The following GNAQ variants were observed in gnomAD, a reference collection of about 807,000 sequenced individuals.
GNAQ encodes the protein guanine nucleotide-binding protein G(q) subunit alpha.
A neutral mutation model predicts 43.9 loss-of-function variants in GNAQ; 8 were observed. That is an observed-to-expected ratio of 0.18 (90% CI 0.11 to 0.33). The LOEUF is 0.33. Among genes scored for constraint, GNAQ ranks in the 10% least tolerant of loss-of-function variants. The probability of loss-of-function intolerance (pLI) is 1.00; values close to 1 mark genes in which losing one functional copy is unlikely to be tolerated. For synonymous variants in GNAQ, 155 were observed against 170.7 expected (o/e 0.91, Z 0.71); for missense variants, 158 against 450.8 (o/e 0.35, Z 5.88).
intron 1 of GNAQ, among the ~76,000 whole-genome samples, chr9:77,972,092 T>C (rs1264747700): frequency 6.6e-6 from 1 of 152,096 alleles, no homozygotes; most frequent in African/African-American, 2.4e-5. Context: ...AATCGTGTCA[T>C]CTGCAACAGG....
intron 2 of GNAQ, among the ~76,000 whole-genome samples, chr9:77,826,151 A>C (rs1356515466): frequency 6.6e-6 from 1 of 152,318 alleles, no homozygotes; most frequent in Non-Finnish European, 1.5e-5. Flanking sequence ...GAGAGAGTAC[A>C]TATATTTTTA....
chr9:77,994,859 A>G (rs1823549335), intron 1 of GNAQ, among the ~76,000 whole-genome samples: 1 of 152,222 alleles, frequency 6.6e-6, no homozygotes, highest in Non-Finnish European at 1.5e-5. Flanking sequence ...AATATGGGCC[A>G]TATATGACTA....
Position 77,719,409 on chromosome 9 carries a change from A to AAATT in GNAQ, c.*1910_*1913dup, listed in dbSNP as rs1825275446. On this transcript the variant is annotated 3_prime_UTR_variant, in exon 7 of 7. Transcript: ENST00000286548. ...TATACCTACAGGCAGTCTGTTTGTT[A>AAATT]AATTACAGGTACTTTCTGAGCAAGG... 1 of 232,582 alleles carries AAATT rather than the reference A, an allele frequency of 4.3e-6. No individual in the cohort carries two copies. The highest frequency in any genetic ancestry group is 2.2e-5 in the African/African-American group (1 of 45,300). 14.4% of individuals were successfully genotyped at this position (232,582 alleles called of 1,614,324 possible).
intron 2 of GNAQ, among the ~76,000 whole-genome samples, chr9:77,843,243 A>C (rs905329776): frequency 1.1e-4 from 16 of 152,152 alleles, no homozygotes; most frequent in African/African-American, 3.6e-4. Flanking sequence ...ACCTTGAGCC[A>C]TGCGGATATC....
intron 5 of GNAQ, among the ~76,000 whole-genome samples, chr9:77,760,067 T>TG (rs1453258621): frequency 1.1e-5 from 1 of 92,908 alleles, no homozygotes; most frequent in African/African-American, 2.8e-5. Flanking sequence ...GGCCTTTTTC[T>TG]AATTTTTTTT....
chr9:77,984,036 G>A (rs376148622), intron 1 of GNAQ, among the ~76,000 whole-genome samples: 1 of 86,614 alleles, frequency 1.2e-5, no homozygotes, highest in African/African-American at 4.8e-5. Flanking sequence ...TATGCAAGTA[G>A]AATTTTGGAG....
At chr9:77,827,233 T>C (rs1827211945) in intron 2 of GNAQ, among the ~76,000 whole-genome samples, 1 of 151,762 alleles carries the variant, frequency 6.6e-6, no homozygotes, top group Non-Finnish European at 1.5e-5. Flanking sequence ...TTGTCTAAGA[T>C]ATGGAAATAC....
intron 3 of GNAQ, among the ~76,000 whole-genome samples, chr9:77,805,446 C>T (rs1826813618): frequency 1.3e-5 from 2 of 151,946 alleles, no homozygotes; most frequent in Non-Finnish European, 2.9e-5. Context: ...GCTCTGTCGC[C>T]CAGGCTGGAG....
intron 2 of GNAQ, among the ~76,000 whole-genome samples, chr9:77,817,797 T>C (rs1014931218): frequency 6.6e-6 from 1 of 152,036 alleles, no homozygotes; most frequent in Non-Finnish European, 1.5e-5. Context: ...CGATGCTGCA[T>C]GGGGATGGTG....
chr9:77,742,894 G>A (rs576787911), intron 5 of GNAQ, among the ~76,000 whole-genome samples: 26 of 152,234 alleles, frequency 1.7e-4, no homozygotes, highest in Admixed American at 1.5e-3. Context: ...AAAAATGCTG[G>A]GTAAAAGATG....
intron 1 of GNAQ, among the ~76,000 whole-genome samples, chr9:78,026,500 A>C (rs374445016): frequency 1.8e-4 from 27 of 152,358 alleles, no homozygotes; most frequent in African/African-American, 6.3e-4. Context: ...AGAGTAGCAA[A>C]AAATAAAACC....
At chr9:77,832,670 T>C (rs1201232087) in intron 2 of GNAQ, among the ~76,000 whole-genome samples, 3 of 152,244 alleles carry the variant, frequency 2.0e-5, no homozygotes, top group Non-Finnish European at 2.9e-5. Flanking sequence ...CCAGTGTATA[T>C]ACCAGGGATC....
intron 3 of GNAQ, among the ~76,000 whole-genome samples, chr9:77,805,481 T>A (rs1378751786): frequency 6.6e-6 from 1 of 152,078 alleles, no homozygotes; most frequent in East Asian, 1.9e-4. Context: ...CTTGGCTCAC[T>A]GCAACCTCTG....
At chr9:77,856,447 T>C (rs1373081288) in intron 2 of GNAQ, among the ~76,000 whole-genome samples, 1 of 152,198 alleles carries the variant, frequency 6.6e-6, no homozygotes, top group Non-Finnish European at 1.5e-5. Context: ...ATGGATTAAC[T>C]CAACTTTTTA....
intron 2 of GNAQ, among the ~76,000 whole-genome samples, chr9:77,859,670 G>A (rs1035802977): frequency 6.6e-6 from 1 of 152,164 alleles, no homozygotes; most frequent in Admixed American, 6.5e-5. Flanking sequence ...CTCCATTCAG[G>A]ATGTTCATTT....
chr9:77,791,543 C>T (rs1048840570), intron 5 of GNAQ, among the ~76,000 whole-genome samples: 1 of 152,022 alleles, frequency 6.6e-6, no homozygotes, highest in Non-Finnish European at 1.5e-5. Context: ...GGTATTCTAG[C>T]CACTATTTGA....
At chr9:78,001,389 C>A (rs1193442544) in intron 1 of GNAQ, among the ~76,000 whole-genome samples, 1 of 151,504 alleles carries the variant, frequency 6.6e-6, no homozygotes, top group African/African-American at 2.4e-5. Flanking sequence ...GGTGACAGAG[C>A]GACACTCCAT....
At chr9:77,771,389 T>A (rs1197937936) in intron 5 of GNAQ, among the ~76,000 whole-genome samples, 1 of 152,212 alleles carries the variant, frequency 6.6e-6, no homozygotes, top group Non-Finnish European at 1.5e-5. Flanking sequence ...TATATTAACA[T>A]GCTGCAAATT....
intron 5 of GNAQ, among the ~76,000 whole-genome samples, chr9:77,746,473 T>C: frequency 6.6e-6 from 1 of 152,226 alleles, no homozygotes; most frequent in Admixed American, 6.5e-5. Flanking sequence ...TGATATATTA[T>C]CTTATATGTT....
Sources: allele counts gnomAD v4.1 joint callset (sites outside exome capture counted in the v4.1 genomes callset), GRCh38; gene constraint gnomAD v4.1.1; transcripts MANE v1.5; gene names NCBI Gene and HGNC (gene_info 2026-07-23, HGNC 2026-07-21).